The following C15orf40 variants were observed in gnomAD, a reference collection of about 807,000 sequenced individuals.
C15orf40 encodes chromosome 15 open reading frame 40.
Under a neutral mutation model 13.9 loss-of-function variants are expected in C15orf40, and 9 were observed. That is an observed-to-expected ratio of 0.65 (90% CI 0.39 to 1.13). The LOEUF is 1.13. Ranked by LOEUF, C15orf40 falls within the 50% of genes most tolerant of loss-of-function variation. The pLI is 0.01. For missense variants in C15orf40, 225 were observed against 188.5 expected (o/e 1.19, Z -1.13); for synonymous variants, 95 against 69.2 (o/e 1.37, Z -1.85).
chr15:83,006,075 C>CA (rs1454334177), intron 3 of C15orf40, among the ~76,000 whole-genome samples: 1 of 151,654 alleles, frequency 6.6e-6, no homozygotes, highest in African/African-American at 2.4e-5. Context: ...ACTAAAAATA[C>CA]AAAAAATTAG....
At chr15:82,989,264 G>T (rs1194862000), downstream of C15orf40, 1 of 1,501,980 alleles carries the variant, frequency 6.7e-7, no homozygotes. Flanking sequence ...TGGAAGGCCA[G>T]TGAGGGCAGG....
chr15:83,006,692 C>T (rs1026617154), intron 3 of C15orf40, among the ~76,000 whole-genome samples: 3 of 151,918 alleles, frequency 2.0e-5, no homozygotes, highest in African/African-American at 4.8e-5. Context: ...GGGCGGGGCG[C>T]GGGGCGGATG....
chr15:82,991,897 T>G (rs1463915628), downstream of C15orf40: 1 of 1,288,950 alleles, frequency 7.8e-7, no homozygotes, highest in Non-Finnish European at 1.0e-6. Context: ...CCCCAGAATC[T>G]TCTCTGAAAG....
intron 3 of C15orf40, 167 bp downstream of exon 3, chr15:83,008,381 T>C: frequency 1.6e-6 from 1 of 606,910 alleles, no homozygotes; most frequent in South Asian, 1.8e-5. Flanking sequence ...TAGCCAGGCA[T>C]GGTGGCATGC....
downstream of C15orf40, among the ~76,000 whole-genome samples, chr15:82,991,555 CGGG>C (rs1220525374): frequency 1.3e-5 from 2 of 151,740 alleles, no homozygotes; most frequent in Non-Finnish European, 2.9e-5. Flanking sequence ...ATAAAAAAAA[CGGG>C]GGCATCTTCG....
downstream of C15orf40, chr15:82,990,055 C>T (rs368166772): frequency 9.7e-5 from 138 of 1,415,880 alleles, no homozygotes; most frequent in African/African-American, 1.0e-3. Context: ...GGCCTCCTTA[C>T]GGTTACTACT....
chr15:82,993,943 T>C (rs1414146126), downstream of C15orf40, among the ~76,000 whole-genome samples: 2 of 152,186 alleles, frequency 1.3e-5, no homozygotes, highest in Non-Finnish European at 2.9e-5. Context: ...GCTGGGGACT[T>C]TTAGAGTTTT....
chr15:83,009,642 G>T (rs6603042), intron 2 of C15orf40, among the ~76,000 whole-genome samples: 55,567 of 152,016 alleles, frequency 0.37, 11,162 homozygotes, highest in African/African-American at 0.52. Flanking sequence ...AATGTAAACA[G>T]AGCTAGTCAG....
chr15:82,989,068 G>A (rs1438412237), downstream of C15orf40: 1 of 1,613,780 alleles, frequency 6.2e-7, no homozygotes, highest in South Asian at 1.1e-5. Flanking sequence ...ATGTTTGCTA[G>A]TAGATTCACA....
intron 2 of C15orf40, among the ~76,000 whole-genome samples, chr15:83,009,852 A>G (rs1205102827): frequency 6.6e-6 from 1 of 152,186 alleles, no homozygotes; most frequent in African/African-American, 2.4e-5. Context: ...TCAGATCTCA[A>G]GTTTTCTCCC....
chr15:83,011,398 G>A, intron 1 of C15orf40, 99 bp downstream of exon 1: 2 of 1,305,616 alleles, frequency 1.5e-6, no homozygotes, highest in Non-Finnish European at 1.0e-6. Flanking sequence ...GCAAGCCGCT[G>A]GCAGTGCCTC....
At position 83,003,759 on chromosome 15, in the gene C15orf40, CTTTTT is replaced by C. The variant is rs1232032635; in HGVS notation, c.*1833_*1837del. Reference sequence around the variant, plus strand: ...TTTCACTGTCTGGGATTTTTTCTTTCTTTTTGAGACGGAGTCTCACTCTTGTCGCC... The same window carrying C: ...TTTCACTGTCTGGGATTTTTTCTTTCGAGACGGAGTCTCACTCTTGTCGCC... On this transcript the variant is annotated 3_prime_UTR_variant, in exon 4 of 4. Coordinates refer to ENST00000304177, the MANE Select transcript of C15orf40 (RefSeq NM_144597.3). 6.6e-6 allele frequency: 1 copy of C among 152,008 alleles called. No homozygotes were observed. The highest frequency in any genetic ancestry group is 2.4e-5 in the African/African-American group (1 of 41,376). 9.4% of individuals were successfully genotyped at this position (152,008 alleles called of 1,614,324 possible). A position where few individuals can be genotyped will look rare whatever the true frequency, so the allele number is the denominator to read the frequency against.
intron 3 of C15orf40, among the ~76,000 whole-genome samples, chr15:83,006,086 C>T (rs1193620998): frequency 1.3e-5 from 2 of 152,066 alleles, no homozygotes; most frequent in African/African-American, 4.8e-5. Context: ...AAAAAATTAG[C>T]CGGGCATGGT....
intron 3 of C15orf40, chr15:83,008,220 T>A: frequency 4.6e-6 from 1 of 218,690 alleles, no homozygotes. Flanking sequence ...ATTAAAGAAG[T>A]TTAAAAAGAG....
chr15:83,010,485 G>A, intron 1 of C15orf40, 122 bp from the exon 2 acceptor site: 2 of 1,151,552 alleles, frequency 1.7e-6, no homozygotes, highest in South Asian at 2.9e-5. Flanking sequence ...GGTGTCCAGG[G>A]ACTTCTGGCC....
intron 3 of C15orf40, 78 bp downstream of exon 3, chr15:83,008,470 G>C (rs922357347): frequency 6.7e-7 from 1 of 1,482,170 alleles, no homozygotes; most frequent in Non-Finnish European, 9.3e-7. Context: ...AGTGAGCCAA[G>C]ACTACGCCAC....
At position 82,997,812 on chromosome 15, in the gene C15orf40, G is replaced by A. The variant is rs538723952; in HGVS notation, c.*7785C>T. On this transcript the variant is annotated 3_prime_UTR_variant, in exon 4 of 4. Transcript: ENST00000304177. ...AGGCGCCCCTCACCTCCCAGACGGG[G>A]CGGCTGGCAGGGCAGGGGGGCTGAC... is the stretch of plus-strand genomic sequence containing the variant. The A allele has an allele frequency of 3.3e-3, 428 of 130,258 alleles. 42 individuals carry two copies. Among genetic ancestry groups the A allele is most frequent in the Non-Finnish European group, 5.1e-3 (324 of 63,642 alleles). The allele number at this position is 130,258 out of a possible 1,614,324, so 8.1% of individuals were successfully genotyped here.
chr15:82,994,169 T>G (rs74030867), downstream of C15orf40, among the ~76,000 whole-genome samples: 109 of 152,276 alleles, frequency 7.2e-4, no homozygotes, highest in African/African-American at 2.3e-3. Flanking sequence ...TTTATTCACC[T>G]AAAGAAAAAT....
chr15:83,010,431 C>T (rs142096995), intron 1 of C15orf40, 68 bp from the exon 2 acceptor site: 1 of 1,579,442 alleles, frequency 6.3e-7, no homozygotes, highest in Non-Finnish European at 8.7e-7. Context: ...TTGATTCTTC[C>T]ACTACCCCCT....
Sources: gnomAD v4.1 joint callset for allele counts (sites outside exome capture counted in the v4.1 genomes callset) on GRCh38, gnomAD v4.1.1 for gene constraint, MANE v1.5 for transcripts, NCBI Gene and HGNC (gene_info 2026-07-23, HGNC 2026-07-21) for gene names.